The following TECTA variants were observed in gnomAD, a reference collection of about 807,000 sequenced individuals.
TECTA encodes the protein tectorin alpha.
Under a neutral mutation model 216.8 loss-of-function variants are expected in TECTA, and 128 were observed. The observed-to-expected ratio is 0.59, with a 90% confidence interval of 0.51 to 0.68. The LOEUF is 0.68. Ranked by LOEUF, TECTA falls within the 30% of genes least tolerant of loss-of-function variation. The pLI, the probability that TECTA is intolerant of heterozygous loss-of-function variation, is 0.00. For missense variants in TECTA, 2,551 were observed against 2,786.2 expected (o/e 0.92, Z 1.90); for synonymous variants, 1,089 against 1,117.1 (o/e 0.97, Z 0.50).
chr11:121,154,962 T>C (rs1461718456), intron 13 of TECTA, among the ~76,000 whole-genome samples: 1 of 152,236 alleles, frequency 6.6e-6, no homozygotes, highest in Admixed American at 6.5e-5. Context: ...TCTTGGCTGC[T>C]ATTAGTACTA....
At chr11:121,104,763 C>T (rs995784857) in intron 2 of TECTA, among the ~76,000 whole-genome samples, 4 of 151,844 alleles carry the variant, frequency 2.6e-5, no homozygotes, top group Non-Finnish European at 5.9e-5. Flanking sequence ...ATGGGGGTGT[C>T]GGCATCTCAT....
At chr11:121,177,985 G>A (rs1947186109) in intron 20 of TECTA, among the ~76,000 whole-genome samples, 1 of 152,364 alleles carries the variant, frequency 6.6e-6, no homozygotes, top group Admixed American at 6.5e-5. Context: ...TCTGAGCCAG[G>A]TGTGGGATAT....
At chr11:121,103,770 C>T (rs1310581299) in intron 2 of TECTA, among the ~76,000 whole-genome samples, 1 of 152,100 alleles carries the variant, frequency 6.6e-6, no homozygotes, top group Non-Finnish European at 1.5e-5. Context: ...TTTAAACCTA[C>T]GCCCTTGTGT....
chr11:121,128,054 G>A lies in TECTA; in HGVS notation c.2077G>A (p.Gly693Arg), dbSNP rs200502160. 110 of 1,612,388 alleles carry A rather than the reference G, an allele frequency of 6.8e-5. No homozygotes were observed. Among genetic ancestry groups the A allele is most frequent in the South Asian group, 9.9e-5 (9 of 91,070 alleles). Residue 693 changes from glycine (G) to arginine (R), a missense_variant, in exon 9 of 24, where the codon GGG becomes AGG. By Grantham distance (125) the Gly-to-Arg change is moderately radical. Coordinates refer to ENST00000392793, the MANE Select transcript of TECTA (RefSeq NM_005422.4). ...VYCFNKTCGS[G>R]EVCAVEDGYQ... ...CTGCTTCAACAAGACCTGCGGCAGC[G>A]GGGAGGTGTGCGCCGTGGAGGACGG...
intron 22 of TECTA, 127 bp from the exon 23 acceptor site, chr11:121,189,637 G>T (rs1947322432): frequency 1.2e-6 from 1 of 865,064 alleles, no homozygotes. Flanking sequence ...GCCTCCCAAA[G>T]TGCTGGGATT....
At chr11:121,143,314 T>A (rs1217752689) in intron 11 of TECTA, among the ~76,000 whole-genome samples, 1 of 152,186 alleles carries the variant, frequency 6.6e-6, no homozygotes, top group Non-Finnish European at 1.5e-5. Context: ...ATTATTCATA[T>A]TTATCAGGAT....
At position 121,118,381 on chromosome 11, in the gene TECTA, A is replaced by G; in HGVS notation, c.866A>G (p.Asn289Ser). Residue 289 changes from asparagine (N) to serine (S), a missense_variant, in exon 7 of 24, where the codon AAC (asparagine) becomes AGC (serine). Physicochemically the swap from Asn to Ser is conservative, Grantham distance 46. Coordinates refer to ENST00000392793, the MANE Select transcript of TECTA (RefSeq NM_005422.4). Reference protein sequence around the residue: ...CTVKCRCLDFNNEIYCQEASC... With the variant: ...CTVKCRCLDFSNEIYCQEASC... ...GTCAAGTGCCGCTGTCTGGATTTCA[A>G]CAATGAGATCTACTGCCAGGAGGCT... The G allele has an allele frequency of 4.3e-6, 7 of 1,614,152 alleles. No individual in the cohort carries two copies. The highest frequency in any genetic ancestry group is 5.9e-6 in the Non-Finnish European group (7 of 1,180,032).
chr11:121,160,751 G>T lies in TECTA; in HGVS notation c.4976+330G>T, dbSNP rs569757217. The stretch of plus-strand genomic sequence containing the variant: ...TGGGACCTAGGCACCTCTGCTGGGT[G>T]TGGAATTAAGAGGTGACTGAGAAGA... On this transcript the variant is annotated intron_variant, in intron 15 of 23. Coordinates refer to ENST00000392793, the MANE Select transcript of TECTA (RefSeq NM_005422.4). Among the ~76,000 whole-genome samples the T allele has an allele frequency of 5.3e-5, 8 of 152,326 alleles. No individual in the cohort carries two copies. The South Asian group carries it at 6.2e-4, about 12-fold the overall frequency.
At chr11:121,151,661 A>G (rs1946890895) in intron 12 of TECTA, among the ~76,000 whole-genome samples, 1 of 152,010 alleles carries the variant, frequency 6.6e-6, no homozygotes, top group African/African-American at 2.4e-5. Context: ...GATTTTCTAC[A>G]CTATGCAAGT....
intron 14 of TECTA, among the ~76,000 whole-genome samples, chr11:121,158,648 G>A (rs914672915): frequency 6.6e-6 from 1 of 152,080 alleles, no homozygotes; most frequent in Non-Finnish European, 1.5e-5. Flanking sequence ...TAAGCTAAGG[G>A]AAAGCAAGCA....
rs374934801 is a variant in TECTA, at chr11:121,118,389, A to T, written c.874A>T (p.Ile292Phe). ...KCRCLDFNNE[I>F]YCQEASCSPY... ...CCGCTGTCTGGATTTCAACAATGAG[A>T]TCTACTGCCAGGAGGCTTCCTGTAG... The change falls in exon 7 of 24, where the codon ATC (isoleucine) becomes TTC (phenylalanine). Residue 292 changes from isoleucine (I) to phenylalanine (F), a missense_variant. By Grantham distance (21) the Ile-to-Phe change is conservative (BLOSUM62 0). This residue lies in a region of TECTA where 2,375 missense variants were observed against 2,563.9 expected (regional missense o/e 0.93). Transcript: ENST00000392793. The T allele has an allele frequency of 5.0e-6, 8 of 1,613,984 alleles. No homozygotes were observed. Among genetic ancestry groups the T allele is most frequent in the Non-Finnish European group, 5.9e-6 (7 of 1,180,040 alleles).
chr11:121,120,160 A>AT (rs143458875), intron 7 of TECTA, among the ~76,000 whole-genome samples: 51 of 146,270 alleles, frequency 3.5e-4, no homozygotes, highest in Admixed American at 1.6e-3. Context: ...TCTCAGTCAG[A>AT]TTTTTTTTTT....
intron 16 of TECTA, among the ~76,000 whole-genome samples, chr11:121,164,391 C>A (rs1275434494): frequency 1.3e-5 from 2 of 152,114 alleles, no homozygotes; most frequent in Non-Finnish European, 2.9e-5. Flanking sequence ...TTAGCACTGT[C>A]CATCATATAC....
chr11:121,157,745 C>A, intron 13 of TECTA, 96 bp from the exon 14 acceptor site: 1 of 1,579,782 alleles, frequency 6.3e-7, no homozygotes, highest in Non-Finnish European at 8.7e-7. Context: ...TAAAGATAGG[C>A]TAGCCAAGCC....
In TECTA at chr11:121,137,540, G is replaced by C; in HGVS notation, c.3061G>C (p.Glu1021Gln). 1 of 1,613,984 alleles carries C rather than the reference G, an allele frequency of 6.2e-7. No individual in the cohort carries two copies. The highest frequency in any genetic ancestry group is 1.1e-5 in the South Asian group (1 of 91,062). The stretch of plus-strand genomic sequence containing the variant: ...CTGCTCTGAGGGATGTCAGTGTGAT[G>C]AGGGCTATGCTCTACTGGGCAGCCA... ...DSCSEGCQCD[E>Q]GYALLGSQCV... Residue 1021 changes from glutamate to glutamine, a missense_variant, in exon 11 of 24, where the codon GAG (glutamate) becomes CAG (glutamine). Glu to Gln is a conservative substitution (Grantham distance 29). Coordinates refer to ENST00000392793, the MANE Select transcript of TECTA (RefSeq NM_005422.4).
intron 3 of TECTA, among the ~76,000 whole-genome samples, chr11:121,106,656 G>T (rs1414243753): frequency 6.6e-6 from 1 of 152,158 alleles, no homozygotes; most frequent in African/African-American, 2.4e-5. Context: ...TGGCCTTAAA[G>T]AACTGGGTGA....
rs876658014 is a variant in TECTA at position 121,129,807 on chromosome 11, G to T, written c.2537G>T (p.Gly846Val). ...TCCACCACATACTTCAATTGCACAG[G>T]GGGCTTGTGCGGCTTCTACAATGCC... is the stretch of plus-strand genomic sequence containing the variant. ...RLSTTYFNCT[G>V]GLCGFYNANA... Residue 846 changes from glycine to valine, a missense_variant, in exon 10 of 24, where the codon GGG (glycine) becomes GTG (valine). Gly to Val is a moderately radical substitution (Grantham distance 109, BLOSUM62 -3). This residue lies in a region of TECTA where 2,375 missense variants were observed against 2,563.9 expected (regional missense o/e 0.93). Coordinates refer to ENST00000392793, the MANE Select transcript of TECTA (RefSeq NM_005422.4). 7 of 1,614,084 alleles carry T rather than the reference G, an allele frequency of 4.3e-6. No homozygotes were observed. Among genetic ancestry groups the T allele is most frequent in the African/African-American group, 1.3e-5 (1 of 74,912 alleles).
At chr11:121,165,506 T>C (rs1947044121) in intron 17 of TECTA, 123 bp downstream of exon 17, 15 of 763,388 alleles carry the variant, frequency 2.0e-5, no homozygotes, top group Admixed American at 5.2e-5. Flanking sequence ...CAGGAGCATT[T>C]AAGCAGAACA....
At chr11:121,144,547 C>T (rs780717628) in intron 11 of TECTA, among the ~76,000 whole-genome samples, 6 of 151,938 alleles carry the variant, frequency 3.9e-5, no homozygotes, top group Non-Finnish European at 8.8e-5. Flanking sequence ...TGAGCCGTTG[C>T]TGCAGTGAGC....
Sources: gnomAD v4.1 joint callset for allele counts (sites outside exome capture counted in the v4.1 genomes callset) on GRCh38, gnomAD v4.1.1 for gene constraint, gnomAD v4.1.1 regional missense constraint, MANE v1.5 for transcripts, NCBI Gene and HGNC (gene_info 2026-07-23, HGNC 2026-07-21) for gene names.